XRCC4: variants seen among roughly 807,000 people sequenced by gnomAD.
XRCC4 encodes the protein DNA repair protein XRCC4.
A neutral mutation model predicts 39.1 loss-of-function variants in XRCC4; 28 were observed. The ratio of observed to expected loss-of-function variants is 0.72; its 90% CI spans 0.53 to 0.98. XRCC4 has a LOEUF of 0.98. XRCC4 is among the 50% of genes least tolerant of loss of function. The pLI, the probability that XRCC4 is intolerant of heterozygous loss-of-function variation, is 0.00. For missense variants in XRCC4, 350 were observed against 376.4 expected, an observed-to-expected ratio of 0.93 and a Z score of 0.58; for synonymous variants, 123 against 126.4, an observed-to-expected ratio of 0.97 and a Z score of 0.18.
intron 7 of XRCC4, among the ~76,000 whole-genome samples, chr5:83,296,663 A>G (rs1419327186): frequency 6.6e-6 from 1 of 152,076 alleles, no homozygotes; most frequent in African/African-American, 2.4e-5. Flanking sequence ...CAGAAATTAA[A>G]GTAAAAAACA....
At chr5:83,288,946 G>A (rs1213069526) in intron 7 of XRCC4, among the ~76,000 whole-genome samples, 1 of 151,330 alleles carries the variant, frequency 6.6e-6, no homozygotes, top group Non-Finnish European at 1.5e-5. Flanking sequence ...ACAGTTCTTG[G>A]ATATTCTGTT....
chr5:83,078,641 A>G (rs1477683984), intron 1 of XRCC4, among the ~76,000 whole-genome samples: 1 of 152,228 alleles, frequency 6.6e-6, no homozygotes, highest in Non-Finnish European at 1.5e-5. Context: ...TTAAACTATA[A>G]CTAACTTGAT....
rs145429317 is a variant in XRCC4 at position 83,109,029 on chromosome 5, G to A, written c.140-1999G>A. 1.1e-4 allele frequency among the ~76,000 whole-genome samples: 17 copies of A among 151,372 alleles called. No individual in the cohort carries two copies. The East Asian group carries it at 1.7e-3, about 15-fold the overall frequency. ...TACCTCCTTCCAAAGGTTGTGTGAC[G>A]TATGAGAATCATATTTTATTATCAA... On this transcript the variant is annotated intron_variant, in intron 2 of 7. Transcript: ENST00000396027.
chr5:83,281,482 A>T (rs1276907213), intron 7 of XRCC4, among the ~76,000 whole-genome samples: 3 of 150,642 alleles, frequency 2.0e-5, no homozygotes, highest in African/African-American at 7.4e-5. Context: ...TGTTCGGTCG[A>T]GTTTGCACTG....
At chr5:83,128,754 G>T (rs548489272) in intron 3 of XRCC4, among the ~76,000 whole-genome samples, 89 of 152,020 alleles carry the variant, frequency 5.9e-4, no homozygotes, top group African/African-American at 1.5e-3. Context: ...ATGTGTTTTT[G>T]GGCTGCATAA....
intron 3 of XRCC4, among the ~76,000 whole-genome samples, chr5:83,159,794 C>G (rs1289943144): frequency 6.6e-6 from 1 of 152,070 alleles, no homozygotes. Context: ...AAGGCTCAAA[C>G]TTAGACACTT....
intron 6 of XRCC4, among the ~76,000 whole-genome samples, chr5:83,257,234 T>G (rs569863121): frequency 4.6e-5 from 7 of 152,066 alleles, no homozygotes; most frequent in African/African-American, 1.7e-4. Flanking sequence ...AAATTAAGCT[T>G]TGGGCAATAT....
intron 3 of XRCC4, among the ~76,000 whole-genome samples, chr5:83,176,752 G>A (rs1166940808): frequency 6.6e-6 from 1 of 151,866 alleles, no homozygotes; most frequent in Non-Finnish European, 1.5e-5. Flanking sequence ...CTTCTGAGTA[G>A]CTGGGACTAC....
chr5:83,184,437 G>C (rs1160991653), intron 3 of XRCC4, among the ~76,000 whole-genome samples: 1 of 151,772 alleles, frequency 6.6e-6, no homozygotes, highest in African/African-American at 2.4e-5. Context: ...GGTGGAGATT[G>C]GCCTTAATAG....
intron 3 of XRCC4, among the ~76,000 whole-genome samples, chr5:83,153,243 C>G (rs925583048): frequency 5.4e-5 from 8 of 147,850 alleles, no homozygotes; most frequent in Non-Finnish European, 1.0e-4. Flanking sequence ...GAGTCTTGCT[C>G]TGTCACTCAG....
At chr5:83,242,018 A>G (rs569511794) in intron 6 of XRCC4, among the ~76,000 whole-genome samples, 3 of 151,824 alleles carry the variant, frequency 2.0e-5, no homozygotes, top group African/African-American at 7.2e-5. Flanking sequence ...AGGGTGGCAG[A>G]GTCGGAAGAA....
intron 3 of XRCC4, among the ~76,000 whole-genome samples, chr5:83,116,853 C>T (rs1319910302): frequency 2.0e-5 from 3 of 152,080 alleles, no homozygotes; most frequent in Non-Finnish European, 4.4e-5. Flanking sequence ...AACTCCTGAC[C>T]TCAAGTGATC....
chr5:83,334,829 G>T (rs907450604), intron 7 of XRCC4, among the ~76,000 whole-genome samples: 1 of 151,848 alleles, frequency 6.6e-6, no homozygotes, highest in African/African-American at 2.4e-5. Flanking sequence ...AATTTTTGTG[G>T]TTACTGGGAT....
intron 7 of XRCC4, among the ~76,000 whole-genome samples, chr5:83,315,542 G>C (rs1387643265): frequency 2.0e-5 from 3 of 152,134 alleles, no homozygotes; most frequent in Non-Finnish European, 4.4e-5. Flanking sequence ...AGGCTTTCTT[G>C]ATAGTGGCTA....
At chr5:83,238,336 C>A (rs1752770306) in intron 6 of XRCC4, among the ~76,000 whole-genome samples, 1 of 152,144 alleles carries the variant, frequency 6.6e-6, no homozygotes, top group South Asian at 2.1e-4. Flanking sequence ...GAGATCTTGC[C>A]TCCTTAATGA....
intron 7 of XRCC4, among the ~76,000 whole-genome samples, chr5:83,315,428 T>TA (rs1755845880): frequency 6.6e-6 from 1 of 152,140 alleles, no homozygotes; most frequent in African/African-American, 2.4e-5. Flanking sequence ...GTGGCTACAC[T>TA]AAACAAAATA....
intron 7 of XRCC4, among the ~76,000 whole-genome samples, chr5:83,266,321 A>G (rs1411930944): frequency 6.7e-6 from 1 of 150,218 alleles, no homozygotes; most frequent in African/African-American, 2.4e-5. Flanking sequence ...ATCTAGTATG[A>G]TGTGTTACTC....
At chr5:83,177,439 T>TTTG (rs199626750) in intron 3 of XRCC4, among the ~76,000 whole-genome samples, 1,345 of 78,092 alleles carry the variant, frequency 0.017, 17 homozygotes, top group African/African-American at 0.052. Flanking sequence ...CTTTAATACC[T>TTTG]TTTTTTTTTT....
chr5:83,122,234 G>A (rs954639310), intron 3 of XRCC4, among the ~76,000 whole-genome samples: 4 of 152,096 alleles, frequency 2.6e-5, no homozygotes, highest in Admixed American at 6.6e-5. Context: ...AATCTTAATT[G>A]AGGATGCATT....
Sources: allele counts gnomAD v4.1 joint callset (sites outside exome capture counted in the v4.1 genomes callset), GRCh38; gene constraint gnomAD v4.1.1; transcripts MANE v1.5; gene names NCBI Gene and HGNC (gene_info 2026-07-23, HGNC 2026-07-21).